TAFA1: variants seen among roughly 807,000 people sequenced by gnomAD.
TAFA1 encodes chemokine-like protein TAFA-1.
Under a neutral mutation model 18.5 loss-of-function variants are expected in TAFA1, and 4 were observed. That is an observed-to-expected ratio of 0.22 (90% confidence interval 0.11 to 0.49). The LOEUF (loss-of-function observed/expected upper bound fraction) is 0.49. TAFA1 is among the 20% of genes least tolerant of loss of function. The pLI, the probability that TAFA1 is intolerant of heterozygous loss-of-function variation, is 0.98. For synonymous variants in TAFA1, 56 were observed against 55.2 expected, an observed-to-expected ratio of 1.01 and a Z score of -0.06; for missense variants, 147 against 169.0, an observed-to-expected ratio of 0.87 and a Z score of 0.72.
intron 2 of TAFA1, among the ~76,000 whole-genome samples, chr3:68,195,187 T>G (rs1387335759): frequency 3.3e-5 from 5 of 151,222 alleles, no homozygotes; most frequent in Admixed American, 2.0e-4. Context: ...CCTTGTAATA[T>G]ATGTGCATTT....
intron 2 of TAFA1, among the ~76,000 whole-genome samples, chr3:68,133,971 A>G (rs1379839512): frequency 6.6e-6 from 1 of 152,034 alleles, no homozygotes; most frequent in Non-Finnish European, 1.5e-5. Flanking sequence ...CTGAGGTCAT[A>G]ATGGTCAGGA....
chr3:68,467,195 A>G (rs974113465), intron 3 of TAFA1, among the ~76,000 whole-genome samples: 1 of 152,150 alleles, frequency 6.6e-6, no homozygotes, highest in African/African-American at 2.4e-5. Flanking sequence ...TTGTTCAAAC[A>G]CACATGCTTT....
intron 2 of TAFA1, among the ~76,000 whole-genome samples, chr3:68,258,067 G>A (rs2067333779): frequency 6.6e-6 from 1 of 152,210 alleles, no homozygotes; most frequent in South Asian, 2.1e-4. Context: ...TGAAGGCAAT[G>A]TGTGATCCTG....
chr3:68,158,852 C>G (rs1008393017), intron 2 of TAFA1, among the ~76,000 whole-genome samples: 5 of 152,106 alleles, frequency 3.3e-5, no homozygotes, highest in African/African-American at 7.2e-5. Context: ...TTTGCATATA[C>G]TGAAATAAAG....
intron 2 of TAFA1, among the ~76,000 whole-genome samples, chr3:68,326,154 G>A (rs1015744045): frequency 1.2e-4 from 19 of 152,110 alleles, no homozygotes; most frequent in African/African-American, 4.6e-4. Context: ...CTAAAGCTAC[G>A]TATTTTCTTA....
chr3:68,144,945 A>T, intron 2 of TAFA1: 1 of 801,950 alleles, frequency 1.2e-6, no homozygotes, highest in Non-Finnish European at 2.2e-6. Flanking sequence ...TGATGATAAT[A>T]TAAAATAATG....
intron 3 of TAFA1, among the ~76,000 whole-genome samples, chr3:68,436,445 G>A (rs537750187): frequency 6.6e-6 from 1 of 152,210 alleles, no homozygotes; most frequent in East Asian, 1.9e-4. Flanking sequence ...AGAGAGGAGA[G>A]AAATCACAAA....
intron 2 of TAFA1, among the ~76,000 whole-genome samples, chr3:68,146,579 T>C (rs886705313): frequency 1.3e-5 from 2 of 152,234 alleles, no homozygotes; most frequent in Admixed American, 1.3e-4. Flanking sequence ...TTAAAGGCTC[T>C]GAAAAGTCCT....
rs528145979 is a variant in TAFA1, at chr3:68,506,619, G to A, written c.260-32137G>A. Among the ~76,000 whole-genome samples the A allele has an allele frequency of 3.3e-5, 5 of 152,210 alleles. No individual in the cohort carries two copies. The South Asian group carries it at 1.0e-3, about 32-fold the overall frequency. On this transcript the variant is annotated intron_variant, in intron 3 of 4. Transcript: ENST00000478136. ...GTATGCATTTGTTATGGTCTGATTG[G>A]TCAAAATATTAGTCATTGAAGCCTG...
chr3:68,424,014 G>C (rs1354657496), intron 3 of TAFA1, among the ~76,000 whole-genome samples: 5 of 151,968 alleles, frequency 3.3e-5, no homozygotes, highest in Non-Finnish European at 7.4e-5. Flanking sequence ...AAAAAGGCCA[G>C]GTTACATCAG....
intron 2 of TAFA1, among the ~76,000 whole-genome samples, chr3:68,108,403 G>A (rs1430494151): frequency 6.6e-6 from 1 of 151,762 alleles, no homozygotes; most frequent in African/African-American, 2.4e-5. Flanking sequence ...ATGTAATAAA[G>A]CCAAGATAGT....
chr3:68,338,685 C>T (rs192416529), intron 2 of TAFA1, among the ~76,000 whole-genome samples: 91 of 152,292 alleles, frequency 6.0e-4, no homozygotes, highest in Admixed American at 4.0e-3. Flanking sequence ...AACCTGTATA[C>T]AAGGTTGATT....
intron 2 of TAFA1, among the ~76,000 whole-genome samples, chr3:68,150,575 T>C (rs2065794762): frequency 6.6e-6 from 1 of 152,128 alleles, no homozygotes; most frequent in African/African-American, 2.4e-5. Flanking sequence ...TACTAGTGGG[T>C]TCTTGCTGCT....
chr3:68,323,396 A>G (rs2068723733), intron 2 of TAFA1, among the ~76,000 whole-genome samples: 1 of 152,218 alleles, frequency 6.6e-6, no homozygotes, highest in Admixed American at 6.5e-5. Flanking sequence ...CACAAATGTA[A>G]AGGAAAGCTG....
At chr3:67,991,979 T>C in the TAFA1 span, among the ~76,000 whole-genome samples, 3 of 152,234 alleles carry the variant, frequency 2.0e-5, no homozygotes, top group Admixed American at 6.5e-5. Context: ...TTTATAGCTC[T>C]TGTCTTTCTA....
intron 2 of TAFA1, among the ~76,000 whole-genome samples, chr3:68,098,267 A>G (rs1259905741): frequency 6.6e-6 from 1 of 150,456 alleles, no homozygotes; most frequent in African/African-American, 2.4e-5. Context: ...GTTTTTTTTT[A>G]AATGTTTCTG....
intron 3 of TAFA1, among the ~76,000 whole-genome samples, chr3:68,492,791 T>G (rs561467627): frequency 6.6e-6 from 1 of 152,242 alleles, no homozygotes; most frequent in African/African-American, 2.4e-5. Context: ...ATTTTCACCT[T>G]CAAAATCTCT....
intron 2 of TAFA1, among the ~76,000 whole-genome samples, chr3:68,348,838 G>T (rs1469515908): frequency 6.6e-6 from 1 of 152,044 alleles, no homozygotes; most frequent in Non-Finnish European, 1.5e-5. Flanking sequence ...ATTAGTTCAT[G>T]AAAAGTAGCA....
intron 2 of TAFA1, among the ~76,000 whole-genome samples, chr3:68,222,262 T>C (rs1298474543): frequency 6.6e-6 from 1 of 152,190 alleles, no homozygotes; most frequent in African/African-American, 2.4e-5. Context: ...CGTTAGGTTA[T>C]TGTTCCTTTC....
Sources: allele counts gnomAD v4.1 joint callset (sites outside exome capture counted in the v4.1 genomes callset), GRCh38; gene constraint gnomAD v4.1.1; transcripts MANE v1.5; gene names NCBI Gene and HGNC (gene_info 2026-07-23, HGNC 2026-07-21).